PLEKHA8: variants seen among roughly 807,000 people sequenced by gnomAD.
PLEKHA8 encodes the protein pleckstrin homology domain containing A8, also known as pleckstrin homology domain-containing family A member 8.
Under a neutral mutation model 68.2 loss-of-function variants are expected in PLEKHA8, and 36 were observed. The observed-to-expected ratio is 0.53, with a 90% CI of 0.40 to 0.70. The LOEUF (loss-of-function observed/expected upper bound fraction) is 0.70. Among genes scored for constraint, PLEKHA8 ranks in the 30% least tolerant of loss-of-function variants. The pLI is 0.00. For missense variants in PLEKHA8, 505 were observed against 615.4 expected, an observed-to-expected ratio of 0.82 and a Z score of 1.90; for synonymous variants, 211 against 216.1, an observed-to-expected ratio of 0.98 and a Z score of 0.20.
At chr7:30,039,946 G>C (rs544479831) in intron 1 of PLEKHA8, among the ~76,000 whole-genome samples, 46 of 152,184 alleles carry the variant, frequency 3.0e-4, no homozygotes, top group Non-Finnish European at 5.1e-4. Flanking sequence ...CAAACATCTT[G>C]TCTTGTTTCC....
At chr7:30,072,086 G>A (rs1006062852) in intron 12 of PLEKHA8, 4 of 152,182 alleles carry the variant, frequency 2.6e-5, no homozygotes, top group Middle Eastern at 3.2e-3. Flanking sequence ...TTGAAGACAT[G>A]TATCTTTGAT....
chr7:30,030,124 C>T (rs529650101), intron 1 of PLEKHA8, among the ~76,000 whole-genome samples: 3 of 152,250 alleles, frequency 2.0e-5, no homozygotes, highest in African/African-American at 7.2e-5. Flanking sequence ...GGAGGAGGCT[C>T]GACCTGGCAG....
intron 1 of PLEKHA8, among the ~76,000 whole-genome samples, chr7:30,044,079 T>G (rs565892965): frequency 1.5e-4 from 23 of 149,692 alleles, no homozygotes; most frequent in African/African-American, 5.4e-4. Flanking sequence ...AGATCTCGGC[T>G]CACTGCAACC....
rs75703952 is a variant in PLEKHA8, at chr7:30,066,264, C to G, written c.1300+3522C>G. 6.2e-4 allele frequency among the ~76,000 whole-genome samples: 95 copies of G among 152,246 alleles called. No individual in the cohort carries two copies. In the East Asian group the frequency reaches 0.012, roughly 19 times the overall value. On this transcript the variant is annotated intron_variant, in intron 12 of 13. Transcript: ENST00000449726. The stretch of plus-strand genomic sequence containing the variant: ...ATGAAACTTGTATGGTCTTAATGGC[C>G]TTGGAAATAGTACATTTATATGTAG...
chr7:30,080,800 C>CG lies in PLEKHA8; in HGVS notation c.*2017dup. 2.0e-6 allele frequency: 2 copies of CG among 985,252 alleles called. No individual in the cohort carries two copies. Among genetic ancestry groups the CG allele is most frequent in the Non-Finnish European group, 2.4e-6 (2 of 829,868 alleles). 61.0% of individuals were successfully genotyped at this position (985,252 alleles called of 1,614,324 possible). On this transcript the variant is annotated 3_prime_UTR_variant, in exon 14 of 14. Transcript: ENST00000449726. Reference sequence around the variant, plus strand: ...TTAGTATGAATATGATGGCAGGACTCGGGGATAGTCCCTGCCCTTGACATA... The same window carrying CG: ...TTAGTATGAATATGATGGCAGGACTCGGGGGATAGTCCCTGCCCTTGACATA...
At chr7:30,090,109 T>C in intron 12 of PLEKHA8, 1 of 1,518,224 alleles carries the variant, frequency 6.6e-7, no homozygotes, top group Non-Finnish European at 8.8e-7. Flanking sequence ...TTTCCTGAAA[T>C]GAAGGAAGGA....
intron 13 of PLEKHA8, among the ~76,000 whole-genome samples, chr7:30,116,333 T>G (rs1019205488): frequency 1.3e-5 from 2 of 151,606 alleles, no homozygotes; most frequent in African/African-American, 4.9e-5. Context: ...TATGTGTGTA[T>G]GTATATATGT....
At chr7:30,103,615 C>T (rs1001586984) in intron 13 of PLEKHA8, among the ~76,000 whole-genome samples, 8 of 152,162 alleles carry the variant, frequency 5.3e-5, no homozygotes, top group African/African-American at 1.9e-4. Flanking sequence ...TCAGGCCCCA[C>T]TTATATAGTC....
At chr7:30,120,099 C>G (rs1422976397) in intron 13 of PLEKHA8, among the ~76,000 whole-genome samples, 1 of 145,132 alleles carries the variant, frequency 6.9e-6, no homozygotes, top group East Asian at 2.0e-4. Context: ...AAATGCAAAT[C>G]AAAGCCACAA....
At chr7:30,042,923 G>C (rs1562856778) in intron 1 of PLEKHA8, among the ~76,000 whole-genome samples, 1 of 152,216 alleles carries the variant, frequency 6.6e-6, no homozygotes, top group Non-Finnish European at 1.5e-5. Flanking sequence ...TGGTTTTCCA[G>C]GTTGTAATGT....
At chr7:30,127,323 A>G (rs950860746) in intron 13 of PLEKHA8, among the ~76,000 whole-genome samples, 2 of 152,212 alleles carry the variant, frequency 1.3e-5, no homozygotes, top group Non-Finnish European at 2.9e-5. Context: ...GTCAGGCCAG[A>G]AACTCAAGAA....
intron 13 of PLEKHA8, among the ~76,000 whole-genome samples, chr7:30,104,027 T>TA (rs141576532): frequency 5.9e-5 from 9 of 152,270 alleles, no homozygotes; most frequent in African/African-American, 2.2e-4. Context: ...ACAAATTATT[T>TA]AAAAAATGCA....
In PLEKHA8 at chr7:30,078,546, A is replaced by G. The variant is rs377330090; in HGVS notation, c.1363-44A>G. On this transcript the variant is annotated intron_variant, in intron 13 of 13. Coordinates refer to ENST00000449726, the MANE Select transcript of PLEKHA8 (RefSeq NM_001197026.2). ...GCACATGCATAAAAATAAGAGTGTG[A>G]GAGACAGACTTGATGCAGATTCTCA... The G allele has an allele frequency of 8.1e-6, 13 of 1,597,850 alleles. No homozygotes were observed. The East Asian group carries it at 2.9e-4, about 36-fold the overall frequency.
At chr7:30,046,802 A>T (rs553248073) in intron 3 of PLEKHA8, among the ~76,000 whole-genome samples, 12 of 152,296 alleles carry the variant, frequency 7.9e-5, no homozygotes, top group Non-Finnish European at 4.4e-5. Context: ...TAAGCCTTGG[A>T]TCAGGGTGTT....
chr7:30,099,656 T>G (rs552388559), intron 13 of PLEKHA8, among the ~76,000 whole-genome samples: 5 of 152,328 alleles, frequency 3.3e-5, no homozygotes, highest in African/African-American at 1.2e-4. Context: ...TTCAAGTACA[T>G]GTGGAATATA....
intron 13 of PLEKHA8, among the ~76,000 whole-genome samples, chr7:30,097,751 C>G (rs1795676213): frequency 6.6e-6 from 1 of 152,176 alleles, no homozygotes; most frequent in South Asian, 2.1e-4. Context: ...AAGGTTTTAA[C>G]TTCTTTGCCA....
At position 30,081,970 on chromosome 7, in the gene PLEKHA8, T is replaced by C. The variant is rs1794953848; in HGVS notation, c.*3183T>C. The C allele has an allele frequency of 1.1e-6, 1 of 945,758 alleles. No individual in the cohort carries two copies. Among genetic ancestry groups the C allele is most frequent in the South Asian group, 4.9e-5 (1 of 20,400 alleles). The allele number at this position is 945,758 out of a possible 1,614,324, so 58.6% of individuals were successfully genotyped here. On this transcript the variant is annotated 3_prime_UTR_variant, in exon 14 of 14. Transcript: ENST00000449726. ...CTAATGCTGGTGAAAAATGTTAAAT[T>C]GGAGAGATCCCTTTTGGGAGTGAAA...
chr7:30,055,422 C>G, intron 9 of PLEKHA8, 80 bp downstream of exon 9: 1 of 1,232,504 alleles, frequency 8.1e-7, no homozygotes, highest in Non-Finnish European at 1.2e-6. Context: ...AGAAATACCC[C>G]AAACTATGTG....
rs750535227 is a variant in PLEKHA8, at chr7:30,081,901, T to C, written c.*3114T>C. ...GAATTAAACAAAATATTTTCAATGA[T>C]GGCAAGTCTCTTGACTTTTGAAAGC... On this transcript the variant is annotated 3_prime_UTR_variant, in exon 14 of 14. Coordinates refer to ENST00000449726, the MANE Select transcript of PLEKHA8 (RefSeq NM_001197026.2). 6 of 981,392 alleles carry C rather than the reference T, an allele frequency of 6.1e-6. No homozygotes were observed. Among genetic ancestry groups the C allele is most frequent in the Non-Finnish European group, 6.1e-6 (5 of 826,234 alleles). The allele number at this position is 981,392 out of a possible 1,614,324, so 60.8% of individuals were successfully genotyped here.
Sources: allele counts gnomAD v4.1 joint callset (sites outside exome capture counted in the v4.1 genomes callset), GRCh38; gene constraint gnomAD v4.1.1; transcripts MANE v1.5; gene names NCBI Gene and HGNC (gene_info 2026-07-23, HGNC 2026-07-21).